The following ABCB4 variants were observed in gnomAD, a reference collection of about 807,000 sequenced individuals.
ABCB4 encodes phosphatidylcholine translocator ABCB4.
A neutral mutation model predicts 145.7 loss-of-function variants in ABCB4; 76 were observed. That is an observed-to-expected ratio of 0.52 (90% CI 0.43 to 0.63). The LOEUF (loss-of-function observed/expected upper bound fraction) is 0.63, where lower values mean the gene tolerates loss of function less well. Ranked by LOEUF, ABCB4 falls within the 30% of genes least tolerant of loss-of-function variation. The probability of loss-of-function intolerance (pLI) is 0.00; values close to 1 mark genes in which losing one functional copy is unlikely to be tolerated. For missense variants in ABCB4, 1,234 were observed against 1,553.1 expected (o/e 0.79, Z 3.45); for synonymous variants, 517 against 566.8 (o/e 0.91, Z 1.25).
intron 5 of ABCB4, 75 bp downstream of exon 5, chr7:87,454,460 A>G (rs1438057363): frequency 2.5e-6 from 3 of 1,186,094 alleles, no homozygotes; most frequent in Admixed American, 2.0e-5. Context: ...CGTTATTTGT[A>G]TATTCTTATA....
At chr7:87,467,814 G>T (rs552055397) in intron 3 of ABCB4, among the ~76,000 whole-genome samples, 2,806 of 152,286 alleles carry the variant, frequency 0.018, 45 homozygotes, top group Middle Eastern at 0.071. Context: ...ATAACGAAAT[G>T]AAGGCAGAAA....
At chr7:87,394,364 T>A in the ABCB4 span, among the ~76,000 whole-genome samples, 1 of 152,182 alleles carries the variant, frequency 6.6e-6, no homozygotes, top group Non-Finnish European at 1.5e-5. Context: ...AGTACAGTAT[T>A]GTAAACATTG....
At chr7:87,473,947 T>C (rs4148809) in intron 2 of ABCB4, among the ~76,000 whole-genome samples, 89,900 of 152,198 alleles carry the variant, frequency 0.59, 29,669 homozygotes, top group African/African-American at 0.9. Context: ...ATATAACTAA[T>C]TTGATTGAAG....
the ABCB4 span, chr7:87,392,519 G>T: frequency 2.1e-6 from 3 of 1,454,536 alleles, no homozygotes; most frequent in South Asian, 1.2e-5. Flanking sequence ...TTTCTAGTTG[G>T]GTTTTGCACA....
In ABCB4 at chr7:87,417,424, G is replaced by T. The variant is rs1193964900; in HGVS notation, c.2570C>A (p.Thr857Asn). 1 of 1,614,066 alleles carries T rather than the reference G, an allele frequency of 6.2e-7. No individual in the cohort carries two copies. Among genetic ancestry groups the T allele is most frequent in the Non-Finnish European group, 8.5e-7 (1 of 1,179,994 alleles). ...IISFIYGWQL[T>N]LLLLAVVPII... ...TGGAACAACTGCTAATAGCAATAGG[G>T]TTAACTGCCAACCGTAGATAAATGA... Residue 857 changes from threonine (T) to asparagine (N), a missense_variant, in exon 21 of 28, where the codon ACC becomes AAC. Thr to Asn is a moderately conservative substitution (Grantham distance 65). Coordinates refer to ENST00000649586, the MANE Select transcript of ABCB4 (RefSeq NM_000443.4).
chr7:87,380,119 TA>T, the ABCB4 span, among the ~76,000 whole-genome samples: 2 of 152,108 alleles, frequency 1.3e-5, no homozygotes, highest in South Asian at 4.2e-4. Flanking sequence ...CCAAAAATAA[TA>T]ATAAGAAGAA....
chr7:87,433,338 G>A (rs1810371725), intron 14 of ABCB4, among the ~76,000 whole-genome samples: 1 of 152,108 alleles, frequency 6.6e-6, no homozygotes, highest in East Asian at 1.9e-4. Context: ...TAGTATATAA[G>A]CCCCAAAGAA....
intron 27 of ABCB4, among the ~76,000 whole-genome samples, chr7:87,402,569 C>T (rs1423268398): frequency 6.6e-6 from 1 of 152,104 alleles, no homozygotes; most frequent in African/African-American, 2.4e-5. Context: ...TAACTAGTTC[C>T]CTTTTGAGTA....
At chr7:87,378,306 A>G in the ABCB4 span, among the ~76,000 whole-genome samples, 1 of 144,860 alleles carries the variant, frequency 6.9e-6, no homozygotes, top group South Asian at 2.2e-4. Flanking sequence ...TGTTTGGGCC[A>G]GTGCACTTCA....
At position 87,420,114 on chromosome 7, in the gene ABCB4, A is replaced by T. The variant is rs770806583; in HGVS notation, c.2317-39T>A. 6 of 1,582,634 alleles carry T rather than the reference A, an allele frequency of 3.8e-6. No homozygotes were observed. In the South Asian group the frequency reaches 5.5e-5, roughly 15 times the overall value. On this transcript the variant is annotated intron_variant, in intron 18 of 27. Transcript: ENST00000649586. ...AAGGCTATGGTCTCTTTTGATCTTT[A>T]TGTATGTAATTGCACCAGACCAATC...
chr7:87,431,688 A>G, intron 14 of ABCB4, 123 bp from the exon 15 acceptor site: 1 of 1,299,198 alleles, frequency 7.7e-7, no homozygotes, highest in Middle Eastern at 2.5e-4. Context: ...TATACTCCAG[A>G]TCTCTGCGTG....
rs768032664 is a variant in ABCB4 at position 87,439,621 on chromosome 7, A to G, written c.1731+46T>C. ...CCGGAAGCACTGGCAAGAATCTTCA[A>G]TAGGTTTCAATGTGGTGGTCCTTCA... On this transcript the variant is annotated intron_variant, in intron 14 of 27. Coordinates refer to ENST00000649586, the MANE Select transcript of ABCB4 (RefSeq NM_000443.4). The G allele has an allele frequency of 2.5e-6, 4 of 1,610,192 alleles. 1 individual carries two copies. The highest frequency in any genetic ancestry group is 3.4e-6 in the Non-Finnish European group (4 of 1,176,444).
intron 14 of ABCB4, 55 bp downstream of exon 14, chr7:87,439,612 G>A: frequency 6.2e-7 from 1 of 1,603,586 alleles, no homozygotes; most frequent in Non-Finnish European, 8.5e-7. Flanking sequence ...GCACTGGCAA[G>A]AATCTTCAAT....
rs542695254 is a variant in ABCB4 at position 87,467,090 on chromosome 7, A to G, written c.136-4182T>C. On this transcript the variant is annotated intron_variant, in intron 3 of 27. Coordinates refer to ENST00000649586, the MANE Select transcript of ABCB4 (RefSeq NM_000443.4). ...TAAATGGGCTAAATGCTCCAATTAA[A>G]AGACACAGACTGGCAAACTGGATAA... Among the ~76,000 whole-genome samples the G allele has an allele frequency of 2.8e-3, 432 of 152,366 alleles. 2 individuals carry two copies. Among genetic ancestry groups the G allele is most frequent in the Non-Finnish European group, 4.9e-3 (331 of 68,040 alleles).
At chr7:87,379,273 C>T in the ABCB4 span, among the ~76,000 whole-genome samples, 1 of 152,190 alleles carries the variant, frequency 6.6e-6, no homozygotes, top group Non-Finnish European at 1.5e-5. Flanking sequence ...TAATATTCAT[C>T]ACACTTTTCC....
At position 87,431,524 on chromosome 7, in the gene ABCB4, C is replaced by T. The variant is rs772962352; in HGVS notation, c.1773G>A (p.Leu591=). 1 of 1,613,992 alleles carries T rather than the reference C, an allele frequency of 6.2e-7. No homozygotes were observed. Among genetic ancestry groups the T allele is most frequent in the East Asian group, 2.2e-5 (1 of 44,896 alleles). ...GRTTIVIAHR[L]STVRNADVIA... is the part of the protein sequence containing the mutation. ...TGACATCTGCATTTCGGACCGTAGACAGTCGGTGTGCTATCACAATGGTGG... is the reference window on the plus strand; with the variant it reads ...TGACATCTGCATTTCGGACCGTAGATAGTCGGTGTGCTATCACAATGGTGG... Residue 591 remains leucine, a synonymous_variant, in exon 15 of 28, where the codon CTG becomes CTA. Transcript: ENST00000649586.
the ABCB4 span, among the ~76,000 whole-genome samples, chr7:87,383,006 T>A: frequency 1.1e-3 from 166 of 152,334 alleles, 2 homozygotes; most frequent in East Asian, 0.025. Flanking sequence ...TGAACATATT[T>A]ATCAGGTACA....
At chr7:87,470,912 T>G (rs1225395946) in intron 3 of ABCB4, among the ~76,000 whole-genome samples, 1 of 152,200 alleles carries the variant, frequency 6.6e-6, no homozygotes, top group Non-Finnish European at 1.5e-5. Flanking sequence ...TACAGACACA[T>G]GCACAAGTAT....
chr7:87,365,916 T>G, the ABCB4 span, among the ~76,000 whole-genome samples: 10 of 152,130 alleles, frequency 6.6e-5, no homozygotes, highest in African/African-American at 2.2e-4. Flanking sequence ...GTTGTTTATT[T>G]ATTTGTTTTT....
Sources: gnomAD v4.1 joint callset for allele counts (sites outside exome capture counted in the v4.1 genomes callset) on GRCh38, gnomAD v4.1.1 for gene constraint, MANE v1.5 for transcripts, NCBI Gene and HGNC (gene_info 2026-07-23, HGNC 2026-07-21) for gene names.